Variants in HMOX2 observed in about 807,000 individuals in gnomAD.
HMOX2 encodes heme oxygenase 2.
Under a neutral mutation model 33.7 loss-of-function variants are expected in HMOX2, and 30 were observed. That is an observed-to-expected ratio of 0.89 (90% CI 0.67 to 1.21). The LOEUF (loss-of-function observed/expected upper bound fraction) is 1.21. Among genes scored for constraint, HMOX2 ranks in the 50% most tolerant of loss-of-function variants. The probability of loss-of-function intolerance (pLI) is 0.00; values close to 1 mark genes in which losing one functional copy is unlikely to be tolerated. For missense variants in HMOX2, 403 were observed against 399.1 expected, an observed-to-expected ratio of 1.01 and a Z score of -0.08; for synonymous variants, 155 against 155.0, an observed-to-expected ratio of 1.00 and a Z score of 0.00.
intron 1 of HMOX2, among the ~76,000 whole-genome samples, chr16:4,489,213 C>T (rs1463421789): frequency 6.6e-6 from 1 of 152,216 alleles, no homozygotes; most frequent in Non-Finnish European, 1.5e-5. Context: ...TCCCTTCACA[C>T]ATGAAACAGT....
At chr16:4,480,651 A>AT (rs776262645) in intron 1 of HMOX2, among the ~76,000 whole-genome samples, 17,211 of 119,466 alleles carry the variant, frequency 0.14, 1,457 homozygotes, top group Non-Finnish European at 0.2. Flanking sequence ...AGGGCCTACT[A>AT]TTTTTTTTTT....
At chr16:4,496,574 C>A (rs1428975627) in intron 1 of HMOX2, 2 of 152,216 alleles carry the variant, frequency 1.3e-5, no homozygotes, top group East Asian at 3.8e-4. Context: ...CTATACTAAT[C>A]TCACATGCAG....
At chr16:4,479,722 TTC>T in intron 1 of HMOX2, among the ~76,000 whole-genome samples, 2 of 136,126 alleles carry the variant, frequency 1.5e-5, no homozygotes, top group African/African-American at 5.5e-5. Flanking sequence ...CTTTTTCTTA[TTC>T]TATTTTTTTT....
intron 3 of HMOX2, 51 bp downstream of exon 3, chr16:4,507,063 G>A: frequency 8.1e-7 from 1 of 1,236,612 alleles, no homozygotes; most frequent in Non-Finnish European, 1.2e-6. Context: ...TGGGGTGGGG[G>A]CCTTGGTCCC....
chr16:4,484,793 T>A (rs900720699), intron 1 of HMOX2, among the ~76,000 whole-genome samples: 2 of 152,224 alleles, frequency 1.3e-5, no homozygotes, highest in East Asian at 3.8e-4. Flanking sequence ...GTATAGAATT[T>A]GCATATAACC....
At chr16:4,508,933 C>G (rs1015508016) in intron 4 of HMOX2, among the ~76,000 whole-genome samples, 1 of 152,194 alleles carries the variant, frequency 6.6e-6, no homozygotes, top group Non-Finnish European at 1.5e-5. Context: ...CTCCCCAGAG[C>G]TCTTGCTAGG....
chr16:4,483,083 TAGGA>T (rs1238497146), intron 1 of HMOX2, among the ~76,000 whole-genome samples: 2 of 151,998 alleles, frequency 1.3e-5, no homozygotes, highest in Admixed American at 1.3e-4. Flanking sequence ...GTGAGGCATG[TAGGA>T]AGAGGCATGA....
At chr16:4,482,192 G>C (rs189452124) in intron 1 of HMOX2, among the ~76,000 whole-genome samples, 15 of 152,266 alleles carry the variant, frequency 9.9e-5, no homozygotes, top group Admixed American at 7.9e-4. Flanking sequence ...TCTGTGTTCA[G>C]TGTCATATTT....
At chr16:4,493,720 A>G (rs571882579) in intron 1 of HMOX2, among the ~76,000 whole-genome samples, 1 of 152,316 alleles carries the variant, frequency 6.6e-6, no homozygotes, top group Admixed American at 6.5e-5. Context: ...ATCATTGTAA[A>G]ATCCAGTCCA....
At chr16:4,477,077 C>T (rs2057873140) in intron 1 of HMOX2, among the ~76,000 whole-genome samples, 1 of 152,116 alleles carries the variant, frequency 6.6e-6, no homozygotes, top group Admixed American at 6.5e-5. Context: ...TGGGGGCAGC[C>T]GGTTAGTCCG....
intron 1 of HMOX2, among the ~76,000 whole-genome samples, chr16:4,483,006 C>T (rs2058069081): frequency 6.6e-6 from 1 of 151,898 alleles, no homozygotes; most frequent in East Asian, 1.9e-4. Context: ...CTCCATCCAG[C>T]CTGGGCGACA....
intron 1 of HMOX2, among the ~76,000 whole-genome samples, chr16:4,480,957 C>A (rs934888279): frequency 2.0e-5 from 3 of 151,472 alleles, no homozygotes; most frequent in African/African-American, 7.3e-5. Flanking sequence ...CCCGGCCAGG[C>A]CTCGTATTTT....
chr16:4,491,189 A>C (rs549255856), intron 1 of HMOX2, among the ~76,000 whole-genome samples: 1 of 152,324 alleles, frequency 6.6e-6, no homozygotes, highest in Admixed American at 6.5e-5. Context: ...CAGTTACCTA[A>C]TTAAACCTTT....
chr16:4,505,982 C>T (rs72563739), intron 2 of HMOX2, among the ~76,000 whole-genome samples: 20 of 152,240 alleles, frequency 1.3e-4, no homozygotes, highest in Admixed American at 9.8e-4. Context: ...GGCAGCCTTT[C>T]CTTACTCTGT....
chr16:4,479,416 G>A (rs2141504299), intron 1 of HMOX2: 1 of 152,334 alleles, frequency 6.6e-6, no homozygotes, highest in Non-Finnish European at 1.5e-5. Flanking sequence ...CTGGAAAGAG[G>A]AGGGAGTGGA....
intron 1 of HMOX2, among the ~76,000 whole-genome samples, chr16:4,497,753 G>T (rs144173633): frequency 6.6e-6 from 1 of 151,712 alleles, no homozygotes; most frequent in East Asian, 1.9e-4. Flanking sequence ...CTATTCAGTT[G>T]TCTTTTTTAT....
chr16:4,509,614 G>A lies in HMOX2; in HGVS notation c.824-15G>A, dbSNP rs1336125284. 6.2e-7 allele frequency: 1 copy of A among 1,613,396 alleles called. No individual in the cohort carries two copies. The highest frequency in any genetic ancestry group is 8.5e-7 in the Non-Finnish European group (1 of 1,179,478). On this transcript the variant is annotated splice_polypyrimidine_tract_variant and intron_variant, in intron 5 of 5. Transcript: ENST00000570646. Reference sequence around the variant, plus strand: ...CTCCACTGATGCCATGTCTCCTATTGGTGCTGCCACACAGGTGCCCTGGAG... The same window carrying A: ...CTCCACTGATGCCATGTCTCCTATTAGTGCTGCCACACAGGTGCCCTGGAG...
At chr16:4,476,197 T>C (rs977707455), upstream of HMOX2, 1 of 152,370 alleles carries the variant, frequency 6.6e-6, no homozygotes, top group African/African-American at 2.4e-5. Flanking sequence ...ACCTCGGCTC[T>C]TGTGAACACT....
At chr16:4,489,789 G>GT in intron 1 of HMOX2, among the ~76,000 whole-genome samples, 1 of 152,048 alleles carries the variant, frequency 6.6e-6, no homozygotes, top group East Asian at 1.9e-4. Context: ...TTTTTGGGGG[G>GT]AGGTAGCAAC....
Sources: allele counts gnomAD v4.1 joint callset (sites outside exome capture counted in the v4.1 genomes callset), GRCh38; gene constraint gnomAD v4.1.1; transcripts MANE v1.5; gene names NCBI Gene and HGNC (gene_info 2026-07-23, HGNC 2026-07-21).